MDGA2: variants seen among roughly 807,000 people sequenced by gnomAD.
MDGA2 encodes MAM domain-containing glycosylphosphatidylinositol anchor protein 2.
MDGA2 carries 40 observed loss-of-function variants against 117.8 expected under a neutral mutation model. The observed-to-expected ratio is 0.34, with a 90% confidence interval of 0.26 to 0.44. The LOEUF is 0.44. Among genes scored for constraint, MDGA2 ranks in the 20% least tolerant of loss-of-function variants. The probability of loss-of-function intolerance (pLI) is 1.00; values close to 1 mark genes in which losing one functional copy is unlikely to be tolerated. For missense variants in MDGA2, 1,123 were observed against 1,250.6 expected, an observed-to-expected ratio of 0.90 and a Z score of 1.54; for synonymous variants, 452 against 439.0, an observed-to-expected ratio of 1.03 and a Z score of -0.37.
At chr14:47,554,883 G>A (rs1895654910) in intron 1 of MDGA2, among the ~76,000 whole-genome samples, 1 of 152,148 alleles carries the variant, frequency 6.6e-6, no homozygotes, top group Admixed American at 6.6e-5. Flanking sequence ...GGACCTATCT[G>A]ACCTCTCTTT....
At chr14:46,923,299 A>G (rs115772100) in intron 9 of MDGA2, among the ~76,000 whole-genome samples, 1 of 152,266 alleles carries the variant, frequency 6.6e-6, no homozygotes, top group African/African-American at 2.4e-5. Flanking sequence ...ATCACAGGTA[A>G]TATTTTTTCA....
chr14:46,917,300 T>A (rs1883938457), intron 10 of MDGA2, among the ~76,000 whole-genome samples: 1 of 152,194 alleles, frequency 6.6e-6, no homozygotes, highest in African/African-American at 2.4e-5. Context: ...TGTACTCTTT[T>A]AAAAAATCTG....
chr14:46,879,610 C>T (rs1367847881), intron 11 of MDGA2, among the ~76,000 whole-genome samples: 2 of 152,076 alleles, frequency 1.3e-5, no homozygotes, highest in African/African-American at 2.4e-5. Context: ...ATAACCACTA[C>T]TAAGCTAATT....
rs999421625 is a variant in MDGA2 at position 47,043,012 on chromosome 14, C to T, written c.1526-7708G>A. The stretch of plus-strand genomic sequence containing the variant: ...ACTGGAAAATATTCATATAATGATA[C>T]AAGGCAAATTTGAGAATTTCATTCT... On this transcript the variant is annotated intron_variant, in intron 7 of 16. Coordinates refer to ENST00000399232, the MANE Select transcript of MDGA2 (RefSeq NM_001113498.3). 3.9e-5 allele frequency among the ~76,000 whole-genome samples: 6 copies of T among 152,106 alleles called. No homozygotes were observed. The South Asian group carries it at 1.2e-3, about 32-fold the overall frequency.
chr14:47,402,341 C>A (rs2416063), intron 1 of MDGA2, among the ~76,000 whole-genome samples: 68,849 of 131,390 alleles, frequency 0.52, 19,644 homozygotes, highest in East Asian at 0.74. Flanking sequence ...CCCCCGCCCC[C>A]CCACCCCGCA....
At chr14:47,295,840 G>T (rs1015771958) in intron 2 of MDGA2, among the ~76,000 whole-genome samples, 1 of 152,044 alleles carries the variant, frequency 6.6e-6, no homozygotes, top group Non-Finnish European at 1.5e-5. Flanking sequence ...AGAGGCGGAG[G>T]TTGCAGTTAG....
rs183556493 is a variant in MDGA2, at chr14:47,065,027, A to G, written c.1196-3449T>C. Among the ~76,000 whole-genome samples, 6 of 152,168 alleles carry G rather than the reference A, an allele frequency of 3.9e-5. No homozygotes were observed. In the East Asian group the frequency reaches 1.2e-3, roughly 29 times the overall value. ...CAATTTCTCAGTCTGAATATTGAAA[A>G]TCCCCTAACACCAGCCTGAGAGAAC... On this transcript the variant is annotated intron_variant, in intron 6 of 16. Transcript: ENST00000399232.
At chr14:47,491,172 C>A (rs779122900) in intron 1 of MDGA2, among the ~76,000 whole-genome samples, 20 of 151,952 alleles carry the variant, frequency 1.3e-4, no homozygotes, top group Middle Eastern at 3.2e-3. Flanking sequence ...AGGCTTATAG[C>A]TAAACATGAA....
At chr14:47,214,177 G>A (rs534157906) in intron 3 of MDGA2, among the ~76,000 whole-genome samples, 11 of 152,066 alleles carry the variant, frequency 7.2e-5, no homozygotes, top group African/African-American at 2.7e-4. Context: ...GATTTGTGTG[G>A]GCATGGGGGA....
rs188880143 is a variant in MDGA2 at position 46,930,463 on chromosome 14, C to G, written c.2090-10303G>C. ...TAAATAAAAACAGTAATATTTAGAA[C>G]ATTTAATGGACGTTTTAAAAATCAC... On this transcript the variant is annotated intron_variant, in intron 9 of 16. Coordinates refer to ENST00000399232, the MANE Select transcript of MDGA2 (RefSeq NM_001113498.3). Among the ~76,000 whole-genome samples the G allele has an allele frequency of 4.7e-4, 72 of 152,124 alleles. 2 individuals are homozygous for G. In the South Asian group the frequency reaches 8.7e-3, roughly 18 times the overall value.
intron 1 of MDGA2, among the ~76,000 whole-genome samples, chr14:47,403,499 A>G (rs1214686070): frequency 1.3e-5 from 2 of 152,160 alleles, no homozygotes; most frequent in African/African-American, 4.8e-5. Context: ...ACTGATCACT[A>G]GGTGCTGTCC....
chr14:47,074,957 C>G (rs143361860), intron 6 of MDGA2, among the ~76,000 whole-genome samples: 31 of 152,242 alleles, frequency 2.0e-4, no homozygotes, highest in African/African-American at 5.5e-4. Flanking sequence ...TTTCTTATAT[C>G]ACTACTTTAA....
intron 1 of MDGA2, among the ~76,000 whole-genome samples, chr14:47,460,418 T>C (rs952756869): frequency 2.0e-5 from 3 of 152,146 alleles, no homozygotes; most frequent in African/African-American, 4.8e-5. Flanking sequence ...AGCACTGTAT[T>C]ACAACATTTA....
chr14:47,314,810 AGT>A (rs1187771493), intron 1 of MDGA2, among the ~76,000 whole-genome samples: 7 of 152,174 alleles, frequency 4.6e-5, no homozygotes, highest in African/African-American at 1.7e-4. Context: ...GGATTAATAA[AGT>A]GTGAAAAATC....
At chr14:47,200,451 AAT>A (rs1459912235) in intron 3 of MDGA2, 8 of 443,384 alleles carry the variant, frequency 1.8e-5, no homozygotes, top group Non-Finnish European at 3.1e-5. Context: ...TGCCATAATC[AAT>A]ATATGACATT....
chr14:47,326,089 T>C (rs1344003950), intron 1 of MDGA2, among the ~76,000 whole-genome samples: 1 of 152,058 alleles, frequency 6.6e-6, no homozygotes, highest in Non-Finnish European at 1.5e-5. Context: ...GTGCATGTAA[T>C]TAACAGAAAA....
chr14:47,230,878 AACAGTAC>A (rs1886666757), intron 2 of MDGA2, among the ~76,000 whole-genome samples: 1 of 152,026 alleles, frequency 6.6e-6, no homozygotes, highest in Non-Finnish European at 1.5e-5. Flanking sequence ...AGAGAGCATT[AACAGTAC>A]ACTATTCCTA....
At chr14:47,245,878 T>C (rs1887219443) in intron 2 of MDGA2, among the ~76,000 whole-genome samples, 1 of 151,732 alleles carries the variant, frequency 6.6e-6, no homozygotes, top group Non-Finnish European at 1.5e-5. Flanking sequence ...ATTCAAGCAT[T>C]TTTAGGAACA....
intron 3 of MDGA2, among the ~76,000 whole-genome samples, chr14:47,172,446 C>A (rs988173405): frequency 1.3e-5 from 2 of 151,890 alleles, no homozygotes; most frequent in African/African-American, 4.8e-5. Context: ...TCCTCTGAGA[C>A]AAAACTTCCA....
Sources: gnomAD v4.1 joint callset for allele counts (sites outside exome capture counted in the v4.1 genomes callset) on GRCh38, gnomAD v4.1.1 for gene constraint, MANE v1.5 for transcripts, NCBI Gene and HGNC (gene_info 2026-07-23, HGNC 2026-07-21) for gene names.